The following GRK4 variants were observed in gnomAD, a reference collection of about 807,000 sequenced individuals.
GRK4 encodes the protein G protein-coupled receptor kinase 2-like.
A neutral mutation model predicts 77.9 loss-of-function variants in GRK4; 73 were observed. That is an observed-to-expected ratio of 0.94 (90% CI 0.78 to 1.14). The LOEUF is 1.14. Ranked by LOEUF, GRK4 falls within the 50% of genes most tolerant of loss-of-function variation. GRK4 has a pLI of 0.00. For missense variants in GRK4, 729 were observed against 700.2 expected (o/e 1.04, Z -0.46); for synonymous variants, 257 against 254.4 (o/e 1.01, Z -0.10).
At chr4:3,018,267 G>T (rs1196632929) in intron 8 of GRK4, among the ~76,000 whole-genome samples, 1 of 152,034 alleles carries the variant, frequency 6.6e-6, no homozygotes, top group Non-Finnish European at 1.5e-5. Context: ...CAGATTTTTA[G>T]ATAACCTATT....
intron 5 of GRK4, among the ~76,000 whole-genome samples, chr4:3,004,963 C>A (rs1425099995): frequency 1.3e-5 from 2 of 152,068 alleles, no homozygotes; most frequent in East Asian, 1.9e-4. Flanking sequence ...ACGAGGCACA[C>A]TGAAGGGGGT....
At chr4:3,001,404 T>A (rs1177956284) in intron 4 of GRK4, among the ~76,000 whole-genome samples, 1 of 149,092 alleles carries the variant, frequency 6.7e-6, no homozygotes, top group Non-Finnish European at 1.5e-5. Flanking sequence ...TTCGCTCTTG[T>A]AGCCCAGGCT....
At chr4:3,009,620 C>T (rs1043828086) in intron 6 of GRK4, 28 bp from the exon 7 acceptor site, 52 of 1,571,510 alleles carry the variant, frequency 3.3e-5, no homozygotes, top group Non-Finnish European at 4.5e-5. Context: ...CAATGTGAGA[C>T]CTGAAACTTG....
chr4:3,027,206 A>AT (rs951640832), intron 10 of GRK4, among the ~76,000 whole-genome samples: 4 of 152,104 alleles, frequency 2.6e-5, no homozygotes, highest in African/African-American at 9.7e-5. Flanking sequence ...CACCCAGCTA[A>AT]TTTTTTTAAA....
chr4:3,040,652 AC>A lies in GRK4; in HGVS notation c.*30del. ...CACCCCGGTGCGGACCACAGAGCAG[AC>A]CCTGGCGCCAGGAAGGAGCATGTGT... On this transcript the variant is annotated 3_prime_UTR_variant, in exon 16 of 16. Transcript: ENST00000398052. The A allele has an allele frequency of 6.2e-7, 1 of 1,600,476 alleles. No individual in the cohort carries two copies. Among genetic ancestry groups the A allele is most frequent in the Non-Finnish European group, 8.5e-7 (1 of 1,172,118 alleles).
Position 3,031,816 on chromosome 4 carries a change from T to C in GRK4, c.1269+2407T>C, listed in dbSNP as rs535259693. ...CTGGGGGGATGGAGGATGAAGTCAC[T>C]GGAGAAGAGAAGGCCACAGGACCAA... On this transcript the variant is annotated intron_variant, in intron 12 of 15. Transcript: ENST00000398052. Among the ~76,000 whole-genome samples, 8 of 152,120 alleles carry C rather than the reference T, an allele frequency of 5.3e-5. No individual in the cohort carries two copies. In the East Asian group the frequency reaches 1.5e-3, roughly 29 times the overall value.
chr4:3,035,615 G>A, intron 13 of GRK4, 92 bp downstream of exon 13: 1 of 1,404,014 alleles, frequency 7.1e-7, no homozygotes, highest in Non-Finnish European at 9.6e-7. Context: ...AGAGATGGGG[G>A]GTCTCACTGT....
Position 3,019,692 on chromosome 4 carries a change from A to G in GRK4, c.793A>G (p.Thr265Ala). Residue 265 changes from threonine to alanine, a missense_variant, in exon 9 of 16, where the codon ACC (threonine) becomes GCC (alanine). Physicochemically the swap from Thr to Ala is moderately conservative, Grantham distance 58. Transcript: ENST00000398052. ...ETKDALCLVL[T>A]IMNGGDLKFH... ...CAAAGATGCCTTGTGCTTGGTGCTCACCATTATGAATGGAGGGGATTTGAA... is the reference window on the plus strand; with the variant it reads ...CAAAGATGCCTTGTGCTTGGTGCTCGCCATTATGAATGGAGGGGATTTGAA... 1 of 1,614,158 alleles carries G rather than the reference A, an allele frequency of 6.2e-7. No individual in the cohort carries two copies. The highest frequency in any genetic ancestry group is 1.7e-5 in the Admixed American group (1 of 60,018).
chr4:2,972,668 G>A (rs1489335442), intron 1 of GRK4, among the ~76,000 whole-genome samples: 3 of 152,116 alleles, frequency 2.0e-5, no homozygotes, highest in Non-Finnish European at 4.4e-5. Flanking sequence ...TGGCGGGGGC[G>A]GAGGGGGAGT....
chr4:3,001,113 A>G (rs965881973), intron 4 of GRK4, among the ~76,000 whole-genome samples: 14 of 110,748 alleles, frequency 1.3e-4, no homozygotes, highest in Non-Finnish European at 1.9e-4. Flanking sequence ...GTGTATATAT[A>G]TGTATATATG....
rs773968907 is a variant in GRK4, at chr4:3,019,875, G to A, written c.932+44G>A. 71 of 1,555,844 alleles carry A rather than the reference G, an allele frequency of 4.6e-5. 1 individual carries two copies. In the Middle Eastern group the frequency reaches 7.9e-4, roughly 17 times the overall value. On this transcript the variant is annotated intron_variant, in intron 9 of 15. Transcript: ENST00000398052. The stretch of plus-strand genomic sequence containing the variant: ...AATGGAGCCTGCAAGTCTTGGAGCC[G>A]GTTTCTCCCAGCCCTAGGCTTCCCT...
rs550347921 is a variant in GRK4 at position 3,036,718 on chromosome 4, G to T, written c.1408-656G>T. Among the ~76,000 whole-genome samples the T allele has an allele frequency of 2.0e-5, 3 of 152,328 alleles. No individual in the cohort carries two copies. The South Asian group carries it at 6.2e-4, about 32-fold the overall frequency. The stretch of plus-strand genomic sequence containing the variant: ...GGTTCCTGTCCCAGAGGAGGGACCT[G>T]CTGATTCAGGGAGCTGAGCGGAGGG... On this transcript the variant is annotated intron_variant, in intron 13 of 15. Transcript: ENST00000398052.
rs751690503 is a variant in GRK4 at position 3,027,954 on chromosome 4, CAGA to C, written c.1016_1018del (p.Glu339del). 1.9e-6 allele frequency: 3 copies of C among 1,613,962 alleles called. No individual in the cohort carries two copies. The South Asian group carries it at 3.3e-5, about 18-fold the overall frequency. ...GACCTCGGTTTGGCCACAGAGATCC[CAGA>C]AGGACAGAGGGTTCGAGGAAGAGTT... is the stretch of plus-strand genomic sequence containing the variant. On this transcript the variant is annotated inframe_deletion, in exon 11 of 16. Transcript: ENST00000398052.
chr4:2,981,709 G>T, intron 1 of GRK4, among the ~76,000 whole-genome samples: 1 of 152,234 alleles, frequency 6.6e-6, no homozygotes, highest in South Asian at 2.1e-4. Flanking sequence ...ACTCCAGTCT[G>T]CAGAACTGGC....
intron 1 of GRK4, chr4:2,966,452 TATCTC>T (rs1717740150): frequency 6.6e-6 from 1 of 151,734 alleles, no homozygotes; most frequent in East Asian, 1.9e-4. Flanking sequence ...TTCCCTGAAA[TATCTC>T]ATATTAACTC....
intron 1 of GRK4, among the ~76,000 whole-genome samples, chr4:2,972,744 T>A (rs555689657): frequency 5.4e-4 from 82 of 150,944 alleles, no homozygotes; most frequent in African/African-American, 1.3e-3. Context: ...TTTAAAAAAA[T>A]TTTTTTTTGA....
At chr4:2,985,060 A>G (rs569913039) in intron 2 of GRK4, among the ~76,000 whole-genome samples, 26 of 152,322 alleles carry the variant, frequency 1.7e-4, no homozygotes, top group African/African-American at 6.3e-4. Flanking sequence ...CTGTAGAAGA[A>G]ACACTGTTAA....
chr4:2,986,876 T>C (rs573439127), intron 2 of GRK4: 20 of 329,578 alleles, frequency 6.1e-5, no homozygotes, highest in African/African-American at 4.1e-4. Context: ...TCAGGTGGTA[T>C]AAAGGAGCTA....
At chr4:2,964,197 G>A (rs1284192670) in intron 1 of GRK4, 75 bp downstream of exon 1, 1 of 1,221,858 alleles carries the variant, frequency 8.2e-7, no homozygotes, top group African/African-American at 1.7e-5. Flanking sequence ...CCCCCCTGAA[G>A]GAACCCGACA....
Sources: gnomAD v4.1 joint callset for allele counts (sites outside exome capture counted in the v4.1 genomes callset) on GRCh38, gnomAD v4.1.1 for gene constraint, MANE v1.5 for transcripts, NCBI Gene and HGNC (gene_info 2026-07-23, HGNC 2026-07-21) for gene names.